Variants in UBXN2B observed in about 807,000 individuals in gnomAD.
The protein encoded by UBXN2B is UBX domain protein 2B, also known as UBX domain-containing protein 2B.
UBXN2B carries 19 observed loss-of-function variants against 37.5 expected under a neutral mutation model. The ratio of observed to expected loss-of-function variants is 0.51; its 90% confidence interval spans 0.35 to 0.74. The LOEUF (loss-of-function observed/expected upper bound fraction) is 0.74, where lower values mean the gene tolerates loss of function less well. UBXN2B is among the 30% of genes least tolerant of loss of function. UBXN2B has a pLI of 0.01. For missense variants in UBXN2B, 370 were observed against 393.2 expected, an observed-to-expected ratio of 0.94 and a Z score of 0.50; for synonymous variants, 145 against 143.8, an observed-to-expected ratio of 1.01 and a Z score of -0.06.
chr8:58,426,607 T>C, intron 2 of UBXN2B: 1 of 749,826 alleles, frequency 1.3e-6, no homozygotes, highest in Non-Finnish European at 2.5e-6. Context: ...AAAAAACTGC[T>C]GTCAGCTCCT....
chr8:58,442,898 A>G (rs915101220), intron 6 of UBXN2B, among the ~76,000 whole-genome samples: 6 of 152,120 alleles, frequency 3.9e-5, no homozygotes, highest in African/African-American at 1.4e-4. Context: ...TGTGCTTGCC[A>G]CTCTCACTTA....
Position 58,447,591 on chromosome 8 carries a change from A to T in UBXN2B, c.*40A>T. The T allele has an allele frequency of 6.5e-7, 1 of 1,527,600 alleles. No individual in the cohort carries two copies. Among genetic ancestry groups the T allele is most frequent in the Non-Finnish European group, 8.9e-7 (1 of 1,128,564 alleles). The allele number at this position is 1,527,600 out of a possible 1,614,324, so 94.6% of individuals were successfully genotyped here. A position where few individuals can be genotyped will look rare whatever the true frequency, so the allele number is the denominator to read the frequency against. On this transcript the variant is annotated 3_prime_UTR_variant, in exon 8 of 8. Coordinates refer to ENST00000399598, the MANE Select transcript of UBXN2B (RefSeq NM_001077619.2). ...ATGCAGTAGCATGTGGGAATAGATG[A>T]TGTGCCGTATTAATAAGGACAATAC... is the stretch of plus-strand genomic sequence containing the variant.
At chr8:58,425,842 C>G (rs372053615) in intron 2 of UBXN2B, 4 of 1,174,218 alleles carry the variant, frequency 3.4e-6, no homozygotes, top group Middle Eastern at 2.5e-4. Flanking sequence ...ATTTCAGTTC[C>G]TGACAGCAAA....
Position 58,430,592 on chromosome 8 carries a change from C to A in UBXN2B, c.262C>A (p.Leu88Ile). Residue 88 changes from leucine to isoleucine, a missense_variant, in exon 3 of 8, where the codon CTT becomes ATT. Transcript: ENST00000399598. ...RPSTGKIVNELFKEAREHGAV... is the reference protein window; with the variant it reads ...RPSTGKIVNEIFKEAREHGAV... Reference sequence around the variant, plus strand: ...TTCAACTGGGAAAATTGTGAATGAACTTTTCAAAGAGGCAAGGGAACATGG... The same window carrying A: ...TTCAACTGGGAAAATTGTGAATGAAATTTTCAAAGAGGCAAGGGAACATGG... 6.2e-7 allele frequency: 1 copy of A among 1,605,398 alleles called. No homozygotes were observed.
chr8:58,434,562 A>G, intron 5 of UBXN2B, 58 bp downstream of exon 5: 1 of 1,248,176 alleles, frequency 8.0e-7, no homozygotes. Flanking sequence ...TTTTCTTAAC[A>G]GACTACTCAT....
At chr8:58,425,406 C>T in intron 2 of UBXN2B, 1 of 1,136,592 alleles carries the variant, frequency 8.8e-7, no homozygotes, top group Non-Finnish European at 1.3e-6. Context: ...TCTTCTTGGG[C>T]TTTGAATTGT....
intron 5 of UBXN2B, among the ~76,000 whole-genome samples, chr8:58,436,202 A>G (rs905109763): frequency 6.6e-6 from 1 of 152,224 alleles, no homozygotes; most frequent in Non-Finnish European, 1.5e-5. Flanking sequence ...TACAAGTAGC[A>G]TTGCATTCAA....
rs773987509 is a variant in UBXN2B at position 58,437,318 on chromosome 8, C to CTTT, written c.534-2290_534-2288dup. 1.1e-3 allele frequency among the ~76,000 whole-genome samples: 83 copies of CTTT among 74,260 alleles called. 5 individuals carry two copies. Among genetic ancestry groups the CTTT allele is most frequent in the East Asian group, 3.8e-3 (9 of 2,384 alleles). The allele number at this position is 74,260 out of a possible 152,430, so 48.7% of individuals were successfully genotyped here. A position where few individuals can be genotyped will look rare whatever the true frequency, so the allele number is the denominator to read the frequency against. Reference sequence around the variant, plus strand: ...CTAGGGTACCTGGTGGAAGAAATTTCTTTTTTTTTTTTTTTTTTTTTTTTT... The same window carrying CTTT: ...CTAGGGTACCTGGTGGAAGAAATTTCTTTTTTTTTTTTTTTTTTTTTTTTTTTT... On this transcript the variant is annotated intron_variant, in intron 5 of 7. Transcript: ENST00000399598.
intron 5 of UBXN2B, among the ~76,000 whole-genome samples, chr8:58,438,717 CT>C (rs34805890): frequency 3.3e-5 from 5 of 152,086 alleles, no homozygotes; most frequent in African/African-American, 9.7e-5. Flanking sequence ...AGATTTTGGA[CT>C]TTTGAGTTAA....
rs539648437 is a variant in UBXN2B, at chr8:58,447,608, G to T, written c.*57G>T. On this transcript the variant is annotated 3_prime_UTR_variant, in exon 8 of 8. Coordinates refer to ENST00000399598, the MANE Select transcript of UBXN2B (RefSeq NM_001077619.2). Reference sequence around the variant, plus strand: ...AATAGATGATGTGCCGTATTAATAAGGACAATACTTCAGCATTAAAAACAG... The same window carrying T: ...AATAGATGATGTGCCGTATTAATAATGACAATACTTCAGCATTAAAAACAG... The T allele has an allele frequency of 2.8e-6, 4 of 1,416,382 alleles. No homozygotes were observed. Among genetic ancestry groups the T allele is most frequent in the Non-Finnish European group, 2.8e-6 (3 of 1,066,890 alleles). The allele number at this position is 1,416,382 out of a possible 1,614,324, so 87.7% of individuals were successfully genotyped here.
rs1808767285 is a variant in UBXN2B, at chr8:58,449,920, A to T, written c.*2369A>T. On this transcript the variant is annotated 3_prime_UTR_variant, in exon 8 of 8. Coordinates refer to ENST00000399598, the MANE Select transcript of UBXN2B (RefSeq NM_001077619.2). The stretch of plus-strand genomic sequence containing the variant: ...CTTGTGGGTCTTTTACATATGTCAC[A>T]GGGATGCACTCATTTAGATAGGAGG... 1 of 152,244 alleles carries T rather than the reference A, an allele frequency of 6.6e-6. No homozygotes were observed. Among genetic ancestry groups the T allele is most frequent in the Non-Finnish European group, 1.5e-5 (1 of 68,042 alleles). The allele number at this position is 152,244 out of a possible 1,614,324, so 9.4% of individuals were successfully genotyped here. A position where few individuals can be genotyped will look rare whatever the true frequency, so the allele number is the denominator to read the frequency against.
At chr8:58,418,241 CAAAAAA>C (rs56073006) in intron 2 of UBXN2B, among the ~76,000 whole-genome samples, 2 of 109,126 alleles carry the variant, frequency 1.8e-5, no homozygotes, top group African/African-American at 3.7e-5. Context: ...ACTCTGTCTC[CAAAAAA>C]AAAAAAAAAA....
rs1808792109 is a variant in UBXN2B at position 58,451,175 on chromosome 8, G to C, written c.*3624G>C. ...ATTTGAAATTTTCTTGTTTTTATCA[G>C]TTGAGTGCCTATAGATGCACATACA... On this transcript the variant is annotated 3_prime_UTR_variant, in exon 8 of 8. Coordinates refer to ENST00000399598, the MANE Select transcript of UBXN2B (RefSeq NM_001077619.2). 1 of 152,492 alleles carries C rather than the reference G, an allele frequency of 6.6e-6. No homozygotes were observed. Among genetic ancestry groups the C allele is most frequent in the Non-Finnish European group, 1.5e-5 (1 of 68,022 alleles). 9.4% of individuals were successfully genotyped at this position (152,492 alleles called of 1,614,324 possible). A position where few individuals can be genotyped will look rare whatever the true frequency, so the allele number is the denominator to read the frequency against.
At chr8:58,445,114 TG>T (rs1335077388) in intron 6 of UBXN2B, among the ~76,000 whole-genome samples, 1 of 152,224 alleles carries the variant, frequency 6.6e-6, no homozygotes, top group Non-Finnish European at 1.5e-5. Context: ...TAAATTTATT[TG>T]AATTATTTAA....
At chr8:58,424,687 C>A in intron 2 of UBXN2B, 1 of 1,066,596 alleles carries the variant, frequency 9.4e-7, no homozygotes. Flanking sequence ...GAGTACAAGG[C>A]GGGGGGGGGG....
At chr8:58,417,802 G>A (rs1349626194) in intron 2 of UBXN2B, among the ~76,000 whole-genome samples, 1 of 152,074 alleles carries the variant, frequency 6.6e-6, no homozygotes, top group African/African-American at 2.4e-5. Flanking sequence ...TTGAACTTGT[G>A]CACGCATGTA....
chr8:58,433,843 C>T (rs1349225073), intron 4 of UBXN2B, among the ~76,000 whole-genome samples: 2 of 152,126 alleles, frequency 1.3e-5, no homozygotes, highest in Non-Finnish European at 2.9e-5. Context: ...GGTATATTTT[C>T]ATAATCTAAA....
chr8:58,425,771 T>C, intron 2 of UBXN2B: 1 of 1,157,666 alleles, frequency 8.6e-7, no homozygotes, highest in Non-Finnish European at 1.3e-6. Flanking sequence ...CATAGGATTC[T>C]TCTTGTAATG....
Position 58,446,779 on chromosome 8 carries a change from A to ATTTTTTTTTTTTT in UBXN2B, c.834-586_834-574dup, listed in dbSNP as rs869090698. 8.1e-3 allele frequency among the ~76,000 whole-genome samples: 141 copies of ATTTTTTTTTTTTT among 17,400 alleles called. 61 individuals carry two copies. Among genetic ancestry groups the ATTTTTTTTTTTTT allele is most frequent in the Non-Finnish European group, 0.01 (97 of 9,594 alleles). 11.4% of individuals were successfully genotyped at this position (17,400 alleles called of 152,430 possible). A position where few individuals can be genotyped will look rare whatever the true frequency, so the allele number is the denominator to read the frequency against. On this transcript the variant is annotated intron_variant, in intron 7 of 7. Coordinates refer to ENST00000399598, the MANE Select transcript of UBXN2B (RefSeq NM_001077619.2). ...ATACTCCGAAAAAAGTACAACCTGC[A>ATTTTTTTTTTTTT]TTTTTTTTTTTTTTTTTTTTTTTTT...
Sources: allele counts gnomAD v4.1 joint callset (sites outside exome capture counted in the v4.1 genomes callset), GRCh38; gene constraint gnomAD v4.1.1; transcripts MANE v1.5; gene names NCBI Gene and HGNC (gene_info 2026-07-23, HGNC 2026-07-21).